Variants in APC observed in about 807,000 individuals in gnomAD.
APC encodes the protein adenomatous polyposis coli protein.
APC carries 72 observed loss-of-function variants against 247.0 expected under a neutral mutation model. The ratio of observed to expected loss-of-function variants is 0.29; its 90% CI spans 0.24 to 0.35. The LOEUF is 0.35. Ranked by LOEUF, APC falls within the 10% of genes least tolerant of loss-of-function variation. The pLI is 1.00. For synonymous variants in APC, 1,254 were observed against 1,162.5 expected, an observed-to-expected ratio of 1.08 and a Z score of -1.60; for missense variants, 3,400 against 3,360.7, an observed-to-expected ratio of 1.01 and a Z score of -0.29.
chr5:112,750,848 C>T (rs1754279333), intron 1 of APC, among the ~76,000 whole-genome samples: 2 of 152,064 alleles, frequency 1.3e-5, no homozygotes, highest in South Asian at 4.2e-4. Context: ...AAATGTTTTT[C>T]AAACATTTAA....
At chr5:112,818,855 G>GGGTGGTTTTTTTTT in intron 9 of APC, 111 bp from the exon 10 acceptor site, 1 of 1,118,296 alleles carries the variant, frequency 8.9e-7, no homozygotes, top group Non-Finnish European at 1.3e-6. Flanking sequence ...GGCGGGGGGG[G>GGGTGGTTTTTTTTT]TTGTTTTGTT....
In APC at chr5:112,835,024, T is replaced by C. The variant is rs781337455; in HGVS notation, c.1817T>C (p.Ile606Thr). ...SAHCTENKADICAVDGALAFL... is the reference protein window; with the variant it reads ...SAHCTENKADTCAVDGALAFL... ...CATTGCACTGAGAATAAAGCTGATA[T>C]ATGTGCTGTAGATGGTGCACTTGCA... Residue 606 changes from isoleucine to threonine, a missense_variant, in exon 15 of 16, where the codon ATA (isoleucine) becomes ACA (threonine). Physicochemically the swap from Ile to Thr is moderately conservative, Grantham distance 89. Transcript: ENST00000257430. 7 of 1,614,178 alleles carry C rather than the reference T, an allele frequency of 4.3e-6. No homozygotes were observed. The highest frequency in any genetic ancestry group is 5.1e-6 in the Non-Finnish European group (6 of 1,180,000).
At chr5:112,833,329 C>T (rs540342427) in intron 14 of APC, among the ~76,000 whole-genome samples, 90 of 152,034 alleles carry the variant, frequency 5.9e-4, no homozygotes, top group Non-Finnish European at 8.5e-4. Context: ...ATTACAGGTG[C>T]CCACCACCAC....
chr5:112,774,769 A>T (rs985847571), intron 4 of APC, among the ~76,000 whole-genome samples: 3 of 152,024 alleles, frequency 2.0e-5, no homozygotes, highest in Non-Finnish European at 4.4e-5. Flanking sequence ...GTGCCACCAC[A>T]CCTGGCCCCC....
chr5:112,835,080 C>T lies in APC; in HGVS notation c.1873C>T (p.Gln625Ter), dbSNP rs876659517. The change falls in exon 15 of 16, where the codon CAG becomes TAG. Residue 625 changes from glutamine to a stop codon, truncating the protein, a stop_gained. Transcript: ENST00000257430. LOFTEE classifies it high-confidence loss of function. ...GGTTGGCACTCTTACTTACCGGAGC[C>T]AGACAAACACTTTAGCCATTATTGA... is the stretch of plus-strand genomic sequence containing the variant. ...FLVGTLTYRS[Q>*]TNTLAIIESG... The T allele has an allele frequency of 6.2e-7, 1 of 1,614,102 alleles. No individual in the cohort carries two copies. Among genetic ancestry groups the T allele is most frequent in the Non-Finnish European group, 8.5e-7 (1 of 1,179,984 alleles).
At chr5:112,814,875 G>A (rs920657663) in intron 8 of APC, among the ~76,000 whole-genome samples, 1 of 152,192 alleles carries the variant, frequency 6.6e-6, no homozygotes, top group East Asian at 1.9e-4. Flanking sequence ...TCCTCCGTCA[G>A]TCTCCTGTCA....
At chr5:112,777,406 G>A (rs1319695542) in intron 5 of APC, among the ~76,000 whole-genome samples, 1 of 152,042 alleles carries the variant, frequency 6.6e-6, no homozygotes, top group Non-Finnish European at 1.5e-5. Context: ...CTCATGCAGT[G>A]GATATAATAT....
intron 8 of APC, among the ~76,000 whole-genome samples, chr5:112,809,710 T>G (rs1761784656): frequency 6.6e-6 from 1 of 151,984 alleles, no homozygotes; most frequent in African/African-American, 2.4e-5. Context: ...GGTTAAAAAG[T>G]AGAAGAGAGC....
At chr5:112,771,649 A>G (rs114372867) in intron 4 of APC, among the ~76,000 whole-genome samples, 22 of 152,268 alleles carry the variant, frequency 1.4e-4, no homozygotes, top group African/African-American at 5.3e-4. Flanking sequence ...CCTCTTTGGA[A>G]GCTTTTGAAT....
chr5:112,736,311 A>C (rs1485651467), upstream of APC, among the ~76,000 whole-genome samples: 1 of 152,256 alleles, frequency 6.6e-6, no homozygotes. Context: ...ATAGAACAGT[A>C]GTATGCCATC....
intron 5 of APC, among the ~76,000 whole-genome samples, chr5:112,778,986 A>AT (rs1315433956): frequency 6.6e-6 from 1 of 152,234 alleles, no homozygotes; most frequent in Non-Finnish European, 1.5e-5. Flanking sequence ...TTTTGAAAAC[A>AT]TGTAGCTAGC....
chr5:112,761,924 C>T (rs1755718870), intron 2 of APC, among the ~76,000 whole-genome samples: 1 of 152,084 alleles, frequency 6.6e-6, no homozygotes, highest in Non-Finnish European at 1.5e-5. Context: ...TTTCAGAAGA[C>T]TTCATTAAGA....
intron 1 of APC, among the ~76,000 whole-genome samples, chr5:112,739,809 C>T (rs1017153233): frequency 1.3e-5 from 2 of 152,204 alleles, no homozygotes; most frequent in Admixed American, 1.3e-4. Context: ...TAATATTACT[C>T]AGTTCTTTGA....
rs1213411829 is a variant in APC at position 112,844,281 on chromosome 5, A to G, written c.*155A>G. 1 of 719,166 alleles carries G rather than the reference A, an allele frequency of 1.4e-6. No individual in the cohort carries two copies. Among genetic ancestry groups the G allele is most frequent in the Non-Finnish European group, 2.2e-6 (1 of 448,136 alleles). The allele number at this position is 719,166 out of a possible 1,614,324, so 44.5% of individuals were successfully genotyped here. A position where few individuals can be genotyped will look rare whatever the true frequency, so the allele number is the denominator to read the frequency against. On this transcript the variant is annotated 3_prime_UTR_variant, in exon 16 of 16. Coordinates refer to ENST00000257430, the MANE Select transcript of APC (RefSeq NM_000038.6). ...TGTTCTGGAAGCCATATTTGATAGT[A>G]TACTTTGTCTTCACTGGTCTTATTT...
At chr5:112,826,659 AG>A (rs1373905473) in intron 11 of APC, among the ~76,000 whole-genome samples, 2 of 151,556 alleles carry the variant, frequency 1.3e-5, no homozygotes, top group Non-Finnish European at 2.9e-5. Flanking sequence ...CGTATTCCTA[AG>A]GGTAATTATT....
intron 8 of APC, among the ~76,000 whole-genome samples, chr5:112,808,884 T>C (rs1761695632): frequency 6.6e-6 from 1 of 152,120 alleles, no homozygotes; most frequent in Non-Finnish European, 1.5e-5. Flanking sequence ...TATGAGTGTT[T>C]AGGGGGAAGG....
At chr5:112,769,893 C>T (rs534724478) in intron 4 of APC, among the ~76,000 whole-genome samples, 2 of 152,284 alleles carry the variant, frequency 1.3e-5, no homozygotes, top group African/African-American at 2.4e-5. Flanking sequence ...CTTAAGTTTA[C>T]ATAAGTCTCT....
At chr5:112,810,739 A>G (rs1761902804) in intron 8 of APC, among the ~76,000 whole-genome samples, 1 of 152,188 alleles carries the variant, frequency 6.6e-6, no homozygotes, top group Admixed American at 6.5e-5. Context: ...TGAAAGTGAT[A>G]ACCACAAGAA....
chr5:112,805,542 C>G (rs897541743), intron 8 of APC, among the ~76,000 whole-genome samples: 1 of 152,200 alleles, frequency 6.6e-6, no homozygotes, highest in Non-Finnish European at 1.5e-5. Context: ...TGGTTACTTT[C>G]AGTCACTGTT....
Sources: gnomAD v4.1 joint callset for allele counts (sites outside exome capture counted in the v4.1 genomes callset) on GRCh38, gnomAD v4.1.1 for gene constraint, MANE v1.5 for transcripts, NCBI Gene and HGNC (gene_info 2026-07-23, HGNC 2026-07-21) for gene names.